CEP43: variants seen among roughly 807,000 people sequenced by gnomAD.
The protein encoded by CEP43 is FGFR1 oncogene partner.
Under a neutral mutation model 52.6 loss-of-function variants are expected in CEP43, and 36 were observed. The ratio of observed to expected loss-of-function variants is 0.68; its 90% CI spans 0.52 to 0.90. The LOEUF is 0.90. Among genes scored for constraint, CEP43 ranks in the 40% least tolerant of loss-of-function variants. CEP43 has a pLI of 0.00. For missense variants in CEP43, 506 were observed against 472.8 expected, an observed-to-expected ratio of 1.07 and a Z score of -0.65; for synonymous variants, 192 against 172.4, an observed-to-expected ratio of 1.11 and a Z score of -0.89.
chr6:167,019,226 C>CTGA (rs1780169324), intron 7 of CEP43, among the ~76,000 whole-genome samples: 1 of 152,190 alleles, frequency 6.6e-6, no homozygotes, highest in Non-Finnish European at 1.5e-5. Context: ...GGTTGAGCAT[C>CTGA]TGTGCACATG....
chr6:167,008,120 T>C (rs531474673), intron 5 of CEP43, among the ~76,000 whole-genome samples: 60 of 133,238 alleles, frequency 4.5e-4, no homozygotes, highest in Non-Finnish European at 7.4e-4. Flanking sequence ...TCTAGCCTTA[T>C]GTGTTTTTTT....
In CEP43 at chr6:167,000,079, T is replaced by C; in HGVS notation, c.122T>C (p.Val41Ala). 6.2e-7 allele frequency: 1 copy of C among 1,613,298 alleles called. No individual in the cohort carries two copies. The highest frequency in any genetic ancestry group is 1.7e-5 in the Admixed American group (1 of 59,984). ...NRIKAELRAA[V>A]FLALEEQEKV... ...TTTAAGGCTGAACTCCGAGCAGCTG[T>C]GTTTTTAGCACTAGAGGAGCAAGAA... The change falls in exon 2 of 13, where the codon GTG becomes GCG. Residue 41 changes from valine to alanine, a missense_variant. Transcript: ENST00000366847.
intron 3 of CEP43, 196 bp from the exon 4 acceptor site, chr6:167,003,527 A>G (rs1779784861): frequency 3.6e-6 from 2 of 560,496 alleles, no homozygotes; most frequent in Non-Finnish European, 6.3e-6. Flanking sequence ...AGTTAGTTAC[A>G]GACTGATGAT....
chr6:167,045,814 ACTT>A lies in CEP43; in HGVS notation c.*5837_*5839del, dbSNP rs1425565376. 1 of 152,196 alleles carries A rather than the reference ACTT, an allele frequency of 6.6e-6. No individual in the cohort carries two copies. Among genetic ancestry groups the A allele is most frequent in the Non-Finnish European group, 1.5e-5 (1 of 68,042 alleles). The allele number at this position is 152,196 out of a possible 1,614,324, so 9.4% of individuals were successfully genotyped here. On this transcript the variant is annotated 3_prime_UTR_variant, in exon 13 of 13. Coordinates refer to ENST00000366847, the MANE Select transcript of CEP43 (RefSeq NM_007045.4). ...ACTATTGGATATACCTCTTAATCAT[ACTT>A]TGTTTGAAATCCTTTGTGGTTTCTA...
intron 8 of CEP43, 76 bp downstream of exon 8, chr6:167,022,711 A>G: frequency 1.1e-6 from 1 of 933,766 alleles, no homozygotes; most frequent in Non-Finnish European, 1.6e-6. Flanking sequence ...TAGTTAAAAA[A>G]TAATGAACTA....
chr6:167,025,751 G>A (rs930560506), intron 9 of CEP43, among the ~76,000 whole-genome samples: 5 of 152,064 alleles, frequency 3.3e-5, no homozygotes, highest in Middle Eastern at 3.2e-3. Context: ...CTTCTTTCCC[G>A]TGGTTACTGC....
At chr6:167,029,718 C>G (rs1467049599) in intron 10 of CEP43, among the ~76,000 whole-genome samples, 4 of 152,308 alleles carry the variant, frequency 2.6e-5, no homozygotes, top group Admixed American at 2.6e-4. Flanking sequence ...AAGAGACCAC[C>G]AAACAGTCTT....
intron 12 of CEP43, among the ~76,000 whole-genome samples, chr6:167,035,777 C>A (rs1405230631): frequency 6.6e-6 from 1 of 152,062 alleles, no homozygotes; most frequent in African/African-American, 2.4e-5. Flanking sequence ...CCATGTTAGC[C>A]AGGATGATCT....
intron 5 of CEP43, among the ~76,000 whole-genome samples, chr6:167,005,775 A>T (rs1779837798): frequency 6.6e-6 from 1 of 152,216 alleles, no homozygotes; most frequent in African/African-American, 2.4e-5. Flanking sequence ...AGCAGTCTGT[A>T]GGTCATGATG....
Position 167,004,482 on chromosome 6 carries a change from T to C in CEP43, c.438+81T>C, listed in dbSNP as rs550989637. 3.2e-5 allele frequency: 38 copies of C among 1,181,896 alleles called. No individual in the cohort carries two copies. In the South Asian group the frequency reaches 8.4e-4, roughly 26 times the overall value. 73.2% of individuals were successfully genotyped at this position (1,181,896 alleles called of 1,614,324 possible). ...GCCATGCAGATTAGTGCATATATAG[T>C]AAATTAAGGTTTTCATACTAGAAGA... On this transcript the variant is annotated intron_variant, in intron 5 of 12. Transcript: ENST00000366847.
chr6:167,002,263 T>A (rs1779754245), intron 2 of CEP43, among the ~76,000 whole-genome samples: 1 of 152,208 alleles, frequency 6.6e-6, no homozygotes, highest in South Asian at 2.1e-4. Flanking sequence ...TACTCTTTTT[T>A]TTTGGTCTGT....
At chr6:167,022,973 T>C (rs9457256) in intron 8 of CEP43, among the ~76,000 whole-genome samples, 53,336 of 151,716 alleles carry the variant, frequency 0.35, 10,466 homozygotes, top group Non-Finnish European at 0.46. Context: ...TATGCTGCAG[T>C]GTGTGGGGTG....
Position 167,041,439 on chromosome 6 carries a change from CCT to C in CEP43, c.*1462_*1463del, listed in dbSNP as rs1455631107. The stretch of plus-strand genomic sequence containing the variant: ...CGTCTGTGAGCTGCTATCTCAGTCT[CCT>C]TCAGCTCTTCATGTCTTAGTAAACA... On this transcript the variant is annotated 3_prime_UTR_variant, in exon 13 of 13. Transcript: ENST00000366847. 3.9e-5 allele frequency: 41 copies of C among 1,060,180 alleles called. No individual in the cohort carries two copies. Among genetic ancestry groups the C allele is most frequent in the Admixed American group, 5.4e-5 (1 of 18,526 alleles). The allele number at this position is 1,060,180 out of a possible 1,614,324, so 65.7% of individuals were successfully genotyped here.
At chr6:167,020,710 A>T (rs568434659) in intron 7 of CEP43, among the ~76,000 whole-genome samples, 1 of 152,240 alleles carries the variant, frequency 6.6e-6, no homozygotes, top group Non-Finnish European at 1.5e-5. Context: ...GAAGTTCGAG[A>T]CCAGCGTGGC....
chr6:167,020,101 C>A (rs1315764758), intron 7 of CEP43, among the ~76,000 whole-genome samples: 1 of 152,154 alleles, frequency 6.6e-6, no homozygotes, highest in Non-Finnish European at 1.5e-5. Context: ...ATTACAACTG[C>A]TGTGAATTAC....
chr6:167,010,891 A>G lies in CEP43; in HGVS notation c.517A>G (p.Lys173Glu). 6.3e-7 allele frequency: 1 copy of G among 1,587,248 alleles called. No individual in the cohort carries two copies. Among genetic ancestry groups the G allele is most frequent in the Non-Finnish European group, 8.6e-7 (1 of 1,165,678 alleles). The change falls in exon 6 of 13, where the codon AAG becomes GAG. Residue 173 changes from lysine to glutamate, a missense_variant and splice_region_variant. Transcript: ENST00000366847. The stretch of plus-strand genomic sequence containing the variant: ...AACAAGTGCACAGACAACACCAAGT[A>G]AGGTGAGTTAGCTGTGGAACACGGA... ...GKTSAQTTPS[K>E]IPRYKGQGKK...
At chr6:167,028,001 T>A in intron 10 of CEP43, 1 of 985,956 alleles carries the variant, frequency 1.0e-6, no homozygotes, top group Non-Finnish European at 1.2e-6. Flanking sequence ...TAGGTGGGCC[T>A]GCCTCCTTTC....
intron 7 of CEP43, among the ~76,000 whole-genome samples, chr6:167,014,708 G>T (rs1780056007): frequency 6.6e-6 from 1 of 152,096 alleles, no homozygotes; most frequent in Admixed American, 6.5e-5. Flanking sequence ...TGTTCTTTAT[G>T]CGTTATTAAA....
chr6:167,021,141 T>A (rs1780222375), intron 7 of CEP43, among the ~76,000 whole-genome samples: 1 of 152,018 alleles, frequency 6.6e-6, no homozygotes, highest in South Asian at 2.1e-4. Context: ...CTTGTTTCAG[T>A]TGAGTGCTTT....
Sources: allele counts gnomAD v4.1 joint callset (sites outside exome capture counted in the v4.1 genomes callset), GRCh38; gene constraint gnomAD v4.1.1; transcripts MANE v1.5; gene names NCBI Gene and HGNC (gene_info 2026-07-23, HGNC 2026-07-21).